UBR2: variants seen among roughly 807,000 people sequenced by gnomAD.
UBR2 encodes the protein ubiquitin protein ligase E3 component n-recognin 2.
In UBR2, 92 loss-of-function variants were observed where a neutral mutation model predicts 247.9. That is an observed-to-expected ratio of 0.37 (90% confidence interval 0.31 to 0.44). The LOEUF (loss-of-function observed/expected upper bound fraction) is 0.44, where lower values mean the gene tolerates loss of function less well. Ranked by LOEUF, UBR2 falls within the 20% of genes least tolerant of loss-of-function variation. The pLI is 1.00. For missense variants in UBR2, 1,613 were observed against 2,112.6 expected (o/e 0.76, Z 4.64); for synonymous variants, 672 against 693.5 (o/e 0.97, Z 0.49).
At chr6:42,667,587 C>CTT (rs1161068427) in intron 34 of UBR2, among the ~76,000 whole-genome samples, 1,553 of 47,334 alleles carry the variant, frequency 0.033, 228 homozygotes, top group South Asian at 0.04. Flanking sequence ...ACAGTTTTGT[C>CTT]TTTTTTTTTT....
intron 2 of UBR2, among the ~76,000 whole-genome samples, chr6:42,577,999 T>C (rs1415970452): frequency 6.6e-6 from 1 of 152,180 alleles, no homozygotes; most frequent in Non-Finnish European, 1.5e-5. Flanking sequence ...ACATAAGGTG[T>C]AATGATCAAA....
intron 20 of UBR2, 84 bp from the exon 21 acceptor site, chr6:42,645,382 A>G: frequency 2.3e-6 from 3 of 1,277,694 alleles, no homozygotes; most frequent in South Asian, 2.6e-5. Context: ...GAAATATAAC[A>G]TGCTGCATGA....
Position 42,691,403 on chromosome 6 carries a change from A to G in UBR2, c.*230A>G. 1 of 546,662 alleles carries G rather than the reference A, an allele frequency of 1.8e-6. No homozygotes were observed. Among genetic ancestry groups the G allele is most frequent in the Non-Finnish European group, 3.2e-6 (1 of 316,120 alleles). 33.9% of individuals were successfully genotyped at this position (546,662 alleles called of 1,614,324 possible). A position where few individuals can be genotyped will look rare whatever the true frequency, so the allele number is the denominator to read the frequency against. ...ATGTCTTGGGTTTTAAGATCGAGCA[A>G]GGAGCTTCTCTTCCTAGATTGGATC... On this transcript the variant is annotated 3_prime_UTR_variant, in exon 47 of 47. Coordinates refer to ENST00000372901, the MANE Select transcript of UBR2 (RefSeq NM_001363705.2).
chr6:42,578,998 C>A (rs1174946265), intron 2 of UBR2, among the ~76,000 whole-genome samples: 1 of 144,730 alleles, frequency 6.9e-6, no homozygotes, highest in African/African-American at 2.6e-5. Context: ...CACACACACA[C>A]AAACTTGAAG....
At chr6:42,601,602 C>A (rs1269287246) in intron 4 of UBR2, among the ~76,000 whole-genome samples, 1 of 149,920 alleles carries the variant, frequency 6.7e-6, no homozygotes, top group Non-Finnish European at 1.5e-5. Flanking sequence ...GCAGGAGAAT[C>A]GCTTGAACCC....
intron 34 of UBR2, among the ~76,000 whole-genome samples, chr6:42,667,585 G>GTTTTTTT (rs201449841): frequency 3.4e-5 from 1 of 28,988 alleles, no homozygotes; most frequent in African/African-American, 1.4e-4. Context: ...GTACAGTTTT[G>GTTTTTTT]TCTTTTTTTT....
At chr6:42,648,062 T>C (rs1352298439) in intron 21 of UBR2, 56 bp from the exon 22 acceptor site, 1 of 1,429,638 alleles carries the variant, frequency 7.0e-7, no homozygotes, top group African/African-American at 1.4e-5. Flanking sequence ...AACACAATGC[T>C]AAGAGTGCTA....
intron 11 of UBR2, among the ~76,000 whole-genome samples, chr6:42,624,935 T>C (rs1795238513): frequency 6.6e-6 from 1 of 152,214 alleles, no homozygotes; most frequent in Non-Finnish European, 1.5e-5. Flanking sequence ...TGGACTTTCA[T>C]TAGTTTTATA....
intron 7 of UBR2, among the ~76,000 whole-genome samples, chr6:42,608,559 G>T (rs1364020963): frequency 6.6e-6 from 1 of 152,150 alleles, no homozygotes; most frequent in African/African-American, 2.4e-5. Flanking sequence ...GAGCCCAGGA[G>T]TCCAAGGGTA....
At chr6:42,684,477 G>T (rs911157082) in intron 43 of UBR2, among the ~76,000 whole-genome samples, 23 of 151,764 alleles carry the variant, frequency 1.5e-4, no homozygotes, top group African/African-American at 5.6e-4. Flanking sequence ...CCAGCTACTC[G>T]GGAGGCTGAG....
chr6:42,590,593 A>G (rs528062775), intron 2 of UBR2, among the ~76,000 whole-genome samples: 1 of 152,334 alleles, frequency 6.6e-6, no homozygotes, highest in East Asian at 1.9e-4. Flanking sequence ...ACACAAATAG[A>G]CATTGTATGC....
At chr6:42,590,058 A>G (rs558871735) in intron 2 of UBR2, among the ~76,000 whole-genome samples, 2 of 152,276 alleles carry the variant, frequency 1.3e-5, no homozygotes, top group East Asian at 3.9e-4. Flanking sequence ...CCTTTGTTCC[A>G]TTCCGAAGAC....
In UBR2 at chr6:42,688,221, C is replaced by T. The variant is rs1450965787; in HGVS notation, c.4859C>T (p.Pro1620Leu). The T allele has an allele frequency of 6.8e-6, 11 of 1,613,932 alleles. No homozygotes were observed. The highest frequency in any genetic ancestry group is 2.2e-5 in the South Asian group (2 of 91,078). Residue 1620 changes from proline (P) to leucine (L), a missense_variant, in exon 45 of 47, where the codon CCG becomes CTG. Physicochemically the swap from Pro to Leu is moderately conservative, Grantham distance 98 (BLOSUM62 -3). Transcript: ENST00000372901. ...GGGTTTTTTATCCCTTGGAGGTGCC[C>T]GAAATCAGGTGGTGATAAGAGCAGA... is the stretch of plus-strand genomic sequence containing the variant. ...LINQASNFSC[P>L]KSGGDKSRAP... is the part of the protein sequence containing the mutation.
chr6:42,575,852 T>C (rs1392940708), intron 2 of UBR2, among the ~76,000 whole-genome samples: 1 of 152,218 alleles, frequency 6.6e-6, no homozygotes, highest in African/African-American at 2.4e-5. Flanking sequence ...TTGAGACTAT[T>C]AAGTATCCTC....
At chr6:42,613,604 T>C (rs1225126757) in intron 8 of UBR2, among the ~76,000 whole-genome samples, 2 of 152,084 alleles carry the variant, frequency 1.3e-5, no homozygotes, top group Non-Finnish European at 2.9e-5. Flanking sequence ...ACAGTTATTT[T>C]TCTTAGTCCT....
intron 45 of UBR2, 60 bp downstream of exon 45, chr6:42,688,446 G>A: frequency 1.9e-6 from 3 of 1,582,880 alleles, no homozygotes; most frequent in Non-Finnish European, 2.6e-6. Flanking sequence ...CTGTTAGGGT[G>A]TCACAGGAAA....
At chr6:42,679,589 A>T in intron 41 of UBR2, 135 bp from the exon 42 acceptor site, 1 of 678,666 alleles carries the variant, frequency 1.5e-6, no homozygotes, top group Non-Finnish European at 2.5e-6. Context: ...CCATTCTGTT[A>T]ACTTCCTACA....
intron 19 of UBR2, 27 bp downstream of exon 19, chr6:42,644,363 A>G (rs137878431): frequency 6.3e-5 from 101 of 1,609,196 alleles, no homozygotes; most frequent in Non-Finnish European, 8.1e-5. Flanking sequence ...TGAAACCACA[A>G]CACATTGCTA....
In UBR2 at chr6:42,564,078, G is replaced by A. The variant is rs1790630816; in HGVS notation, c.-242G>A. On this transcript the variant is annotated 5_prime_UTR_variant, in exon 1 of 47. Coordinates refer to ENST00000372901, the MANE Select transcript of UBR2 (RefSeq NM_001363705.2). ...CCTGGGGTTTTCTGTGTCCTTCCCT[G>A]GGTCAGGGACGAGCCAGTGACTTGA... is the stretch of plus-strand genomic sequence containing the variant. 3.7e-6 allele frequency: 2 copies of A among 534,906 alleles called. No individual in the cohort carries two copies. Among genetic ancestry groups the A allele is most frequent in the Non-Finnish European group, 6.5e-6 (2 of 306,098 alleles). 33.1% of individuals were successfully genotyped at this position (534,906 alleles called of 1,614,324 possible).
Sources: allele counts gnomAD v4.1 joint callset (sites outside exome capture counted in the v4.1 genomes callset), GRCh38; gene constraint gnomAD v4.1.1; transcripts MANE v1.5; gene names NCBI Gene and HGNC (gene_info 2026-07-23, HGNC 2026-07-21).